GALNT9: variants seen among roughly 807,000 people sequenced by gnomAD.
GALNT9 encodes the protein polypeptide N-acetylgalactosaminyltransferase 9.
A neutral mutation model predicts 63.1 loss-of-function variants in GALNT9; 47 were observed. The observed-to-expected ratio is 0.75, with a 90% CI of 0.59 to 0.95. The LOEUF is 0.95. GALNT9 is among the 40% of genes least tolerant of loss of function. The pLI is 0.00. For synonymous variants in GALNT9, 396 were observed against 365.7 expected, an observed-to-expected ratio of 1.08 and a Z score of -0.94; for missense variants, 829 against 874.8, an observed-to-expected ratio of 0.95 and a Z score of 0.66.
chr12:132,295,670 A>G (rs918795844), intron 1 of GALNT9, among the ~76,000 whole-genome samples: 4 of 152,234 alleles, frequency 2.6e-5, no homozygotes, highest in Non-Finnish European at 5.9e-5. Flanking sequence ...CCTCCCCTGG[A>G]GACTATGGAG....
At chr12:132,263,108 G>A (rs986253225) in intron 2 of GALNT9, among the ~76,000 whole-genome samples, 2 of 152,248 alleles carry the variant, frequency 1.3e-5, no homozygotes, top group South Asian at 2.1e-4. Context: ...CGTTGGGGAC[G>A]GCGCTGCTGG....
chr12:132,236,725 C>T lies in GALNT9; in HGVS notation c.1077+11185G>A, dbSNP rs1230551149. 3.3e-5 allele frequency among the ~76,000 whole-genome samples: 5 copies of T among 152,228 alleles called. No homozygotes were observed. Among genetic ancestry groups the T allele is most frequent in the African/African-American group, 1.2e-4 (5 of 41,448 alleles). On this transcript the variant is annotated intron_variant, in intron 6 of 10. Transcript: ENST00000328957. This position sits in a 1 kb window ranked among gnomAD's most constrained non-coding sequence, Gnocchi z 5.6. ...TTCGGGGCATCAAGCCTGGCCTCGG[C>T]CAGCCACGCCTCCTGGGGGTCTCCC...
At chr12:132,260,766 G>A (rs969264027) in intron 4 of GALNT9, among the ~76,000 whole-genome samples, 182 bp downstream of exon 4, 1 of 152,244 alleles carries the variant, frequency 6.6e-6, no homozygotes, top group Non-Finnish European at 1.5e-5. Flanking sequence ...CAGAGAGGCC[G>A]CAGAGGTAAC....
Position 132,257,614 on chromosome 12 carries a change from G to A in GALNT9, c.959+75C>T, listed in dbSNP as rs532731575. The A allele has an allele frequency of 9.8e-5, 113 of 1,150,996 alleles. No individual in the cohort carries two copies. In the Middle Eastern group the frequency reaches 1.9e-3, roughly 19 times the overall value. 71.3% of individuals were successfully genotyped at this position (1,150,996 alleles called of 1,614,324 possible). The stretch of plus-strand genomic sequence containing the variant: ...TCCCCGGCCCTCATCCCTGGCCCTC[G>A]TCCCCACGCCCGCCTCGCTCTGCTC... On this transcript the variant is annotated intron_variant, in intron 5 of 10. Coordinates refer to ENST00000328957, the MANE Select transcript of GALNT9 (RefSeq NM_001122636.2).
At position 132,257,841 on chromosome 12, in the gene GALNT9, G is replaced by T; in HGVS notation, c.807C>A (p.Ile269=). 6.5e-7 allele frequency: 1 copy of T among 1,549,484 alleles called. No homozygotes were observed. The highest frequency in any genetic ancestry group is 1.4e-5 in the African/African-American group (1 of 73,166). Reference sequence around the variant, plus strand: ...TGATGTTGTCGATGGCTGGCAGCACGATGCGACGCCGGTCCTCTCGGATCC... The same window carrying T: ...TGATGTTGTCGATGGCTGGCAGCACTATGCGACGCCGGTCCTCTCGGATCC... The part of the protein sequence containing the change: ...LSRIREDRRR[I]VLPAIDNIKY... Residue 269 remains isoleucine, a synonymous_variant, in exon 5 of 11, where the codon ATC becomes ATA. Transcript: ENST00000328957.
chr12:132,196,427 C>A lies in GALNT9; in HGVS notation c.*680G>T. On this transcript the variant is annotated 3_prime_UTR_variant, in exon 11 of 11. Transcript: ENST00000328957. ...TTAAAACAGGCAAGGGGCTGGGCTG[C>A]GGCAGGGCCCAGGTGCCTGGGAAAG... The A allele has an allele frequency of 4.1e-6, 4 of 985,134 alleles. No homozygotes were observed. The highest frequency in any genetic ancestry group is 4.8e-6 in the Non-Finnish European group (4 of 829,616). The allele number at this position is 985,134 out of a possible 1,614,324, so 61.0% of individuals were successfully genotyped here. A position where few individuals can be genotyped will look rare whatever the true frequency, so the allele number is the denominator to read the frequency against.
intron 8 of GALNT9, among the ~76,000 whole-genome samples, chr12:132,199,981 A>C (rs1875886382): frequency 6.6e-6 from 1 of 152,220 alleles, no homozygotes. Context: ...GAGGAAGCCC[A>C]GCAGAGTCTG....
At chr12:132,247,874 C>T in intron 6 of GALNT9, 36 bp downstream of exon 6, 2 of 1,550,570 alleles carry the variant, frequency 1.3e-6, no homozygotes, top group Non-Finnish European at 1.7e-6. Flanking sequence ...CCTCACTCGC[C>T]CTCACCCTGT....
intron 6 of GALNT9, among the ~76,000 whole-genome samples, chr12:132,208,016 C>T (rs1876797705): frequency 6.6e-6 from 1 of 152,162 alleles, no homozygotes; most frequent in South Asian, 2.1e-4. Flanking sequence ...TAGTTTTTCA[C>T]ATATTTTGAA....
At chr12:132,281,506 C>T (rs1555241673) in intron 2 of GALNT9, among the ~76,000 whole-genome samples, 55 of 152,226 alleles carry the variant, frequency 3.6e-4, no homozygotes, top group Non-Finnish European at 7.3e-5. Context: ...ATAAAATTCA[C>T]ATTCTCTAAT....
At chr12:132,321,710 T>C (rs1353801820) in intron 1 of GALNT9, among the ~76,000 whole-genome samples, 1 of 151,868 alleles carries the variant, frequency 6.6e-6, no homozygotes, top group Non-Finnish European at 1.5e-5. Context: ...AGTGGCTCCC[T>C]CCCCACCCAC....
intron 8 of GALNT9, among the ~76,000 whole-genome samples, chr12:132,199,845 C>G (rs971751684): frequency 1.7e-4 from 17 of 97,730 alleles, no homozygotes; most frequent in African/African-American, 5.6e-4. Context: ...GGCCCCGGCT[C>G]GTGAGCAAGT....
At position 132,198,946 on chromosome 12, in the gene GALNT9, C is replaced by T. The variant is rs142878895; in HGVS notation, c.1497+228G>A. 5.6e-3 allele frequency among the ~76,000 whole-genome samples: 853 copies of T among 152,268 alleles called. 8 individuals are homozygous for T. The highest frequency in any genetic ancestry group is 0.018 in the African/African-American group (740 of 41,566). The stretch of plus-strand genomic sequence containing the variant: ...GATGACAGGCGTGAGCCACTGCACC[C>T]GGCCCAGGCTGTTTTCAATTCCCCG... On this transcript the variant is annotated intron_variant, in intron 9 of 10. Coordinates refer to ENST00000328957, the MANE Select transcript of GALNT9 (RefSeq NM_001122636.2).
intron 1 of GALNT9, among the ~76,000 whole-genome samples, chr12:132,288,517 C>A (rs568106445): frequency 6.6e-6 from 1 of 152,284 alleles, no homozygotes; most frequent in African/African-American, 2.4e-5. Context: ...GCTTCTAACT[C>A]GAGAGAGAGA....
chr12:132,221,712 G>A (rs1013643282), intron 6 of GALNT9, among the ~76,000 whole-genome samples: 10 of 144,842 alleles, frequency 6.9e-5, no homozygotes, highest in African/African-American at 1.8e-4. Context: ...TGTATGCAAC[G>A]CCCCATAACG....
intron 1 of GALNT9, among the ~76,000 whole-genome samples, chr12:132,311,623 C>A: frequency 6.6e-6 from 1 of 152,222 alleles, no homozygotes; most frequent in East Asian, 1.9e-4. Context: ...GGACTCCAGG[C>A]CAGGGCAGCT....
chr12:132,221,890 T>C (rs1050199476), intron 6 of GALNT9, among the ~76,000 whole-genome samples: 3 of 152,008 alleles, frequency 2.0e-5, no homozygotes, highest in African/African-American at 7.3e-5. Flanking sequence ...CAGGTTCACA[T>C]GGGAGAGTAA....
chr12:132,240,619 G>A (rs2136898895), intron 6 of GALNT9: 19 of 454,966 alleles, frequency 4.2e-5, no homozygotes, highest in South Asian at 1.9e-4. Context: ...CCCGGGGCTC[G>A]GCTGTGCTCT....
chr12:132,206,835 G>C (rs1217839563), intron 6 of GALNT9, among the ~76,000 whole-genome samples: 1 of 152,044 alleles, frequency 6.6e-6, no homozygotes, highest in Non-Finnish European at 1.5e-5. Context: ...CCGTGAACGG[G>C]GACAATCCTA....
Sources: gnomAD v4.1 joint callset for allele counts (sites outside exome capture counted in the v4.1 genomes callset) on GRCh38, gnomAD v4.1.1 for gene constraint, Gnocchi (gnomAD v3.1) non-coding constraint, MANE v1.5 for transcripts, NCBI Gene and HGNC (gene_info 2026-07-23, HGNC 2026-07-21) for gene names.